SAMD5: variants seen among roughly 807,000 people sequenced by gnomAD.
The protein encoded by SAMD5 is sterile alpha motif domain-containing protein 5.
Under a neutral mutation model 11.3 loss-of-function variants are expected in SAMD5, and 13 were observed. The ratio of observed to expected loss-of-function variants is 1.15; its 90% CI spans 0.75 to 1.83. SAMD5 has a LOEUF of 1.83. SAMD5 is among the 40% of genes most tolerant of loss of function. The pLI, the probability that SAMD5 is intolerant of heterozygous loss-of-function variation, is 0.00. For synonymous variants in SAMD5, 129 were observed against 111.3 expected (o/e 1.16, Z -1.00); for missense variants, 255 against 239.1 (o/e 1.07, Z -0.44).
At chr6:147,733,065 C>G (rs1420187182) in intron 1 of SAMD5, among the ~76,000 whole-genome samples, 1 of 152,290 alleles carries the variant, frequency 6.6e-6, no homozygotes, top group Non-Finnish European at 1.5e-5. Context: ...TTAGGTCTAT[C>G]AGGCTGCCTA....
At chr6:147,887,520 T>C in the SAMD5 span, among the ~76,000 whole-genome samples, 1 of 152,258 alleles carries the variant, frequency 6.6e-6, no homozygotes, top group Admixed American at 6.5e-5. Context: ...TTTATTTCTT[T>C]TTTTATTATT....
the SAMD5 span, among the ~76,000 whole-genome samples, chr6:147,843,547 C>T: frequency 6.6e-6 from 1 of 152,116 alleles, no homozygotes; most frequent in Admixed American, 6.6e-5. Flanking sequence ...GCCATCTTGA[C>T]CAAAAGGGAC....
At chr6:147,535,987 G>GTT (rs748338901) in intron 1 of SAMD5, among the ~76,000 whole-genome samples, 16 of 144,750 alleles carry the variant, frequency 1.1e-4, no homozygotes, top group Non-Finnish European at 1.8e-4. Flanking sequence ...AAATAACCAA[G>GTT]TTTTTTTTTT....
chr6:147,674,927 G>A (rs1790842807), intron 1 of SAMD5, among the ~76,000 whole-genome samples: 1 of 152,136 alleles, frequency 6.6e-6, no homozygotes, highest in Non-Finnish European at 1.5e-5. Context: ...ACCATTCTTT[G>A]AAGCCAAGAA....
the SAMD5 span, among the ~76,000 whole-genome samples, chr6:147,854,372 C>A: frequency 1.2e-4 from 18 of 151,970 alleles, no homozygotes; most frequent in African/African-American, 4.1e-4. Context: ...GTCACAGGGA[C>A]CCACTATATC....
intron 1 of SAMD5, among the ~76,000 whole-genome samples, chr6:147,656,259 C>G (rs1790565121): frequency 2.0e-5 from 3 of 152,022 alleles, no homozygotes; most frequent in Admixed American, 2.0e-4. Context: ...TGACCGAATC[C>G]CTCTACAACT....
the SAMD5 span, among the ~76,000 whole-genome samples, chr6:147,826,471 G>A: frequency 6.6e-6 from 1 of 152,084 alleles, no homozygotes. Context: ...TCAATCCTGG[G>A]AGCCTCTAAT....
the SAMD5 span, among the ~76,000 whole-genome samples, chr6:147,849,886 C>T: frequency 1.3e-5 from 2 of 152,096 alleles, no homozygotes; most frequent in African/African-American, 4.8e-5. Context: ...CAGCTGTATT[C>T]AATTTTTAGT....
At chr6:147,587,810 A>G (rs551694251) in intron 1 of SAMD5, among the ~76,000 whole-genome samples, 7 of 152,186 alleles carry the variant, frequency 4.6e-5, no homozygotes, top group Non-Finnish European at 8.8e-5. Flanking sequence ...AGTCTACCAG[A>G]GCAATCACTT....
chr6:147,934,499 C>T, the SAMD5 span, among the ~76,000 whole-genome samples: 10 of 152,066 alleles, frequency 6.6e-5, no homozygotes, highest in African/African-American at 2.4e-4. Flanking sequence ...GAAGGTGAAA[C>T]GAAAATGCAT....
At chr6:147,684,572 C>T (rs1198068241) in intron 1 of SAMD5, among the ~76,000 whole-genome samples, 2 of 152,188 alleles carry the variant, frequency 1.3e-5, no homozygotes, top group Non-Finnish European at 2.9e-5. Flanking sequence ...ACACTCCCAC[C>T]AACAGTGCCT....
rs746257839 is a variant in SAMD5 at position 147,564,476 on chromosome 6, G to A, written c.*20G>A. On this transcript the variant is annotated 3_prime_UTR_variant, in exon 2 of 2. Transcript: ENST00000367474. ...CGCTAGATATCATTTTTGAGACCTC[G>A]TGGAGGACTGATGAGGTGCCTGAAG... 14 of 790,342 alleles carry A rather than the reference G, an allele frequency of 1.8e-5. No homozygotes were observed. The highest frequency in any genetic ancestry group is 5.4e-5 in the South Asian group (4 of 74,710). 49.0% of individuals were successfully genotyped at this position (790,342 alleles called of 1,614,324 possible).
intron 1 of SAMD5, among the ~76,000 whole-genome samples, chr6:147,676,971 A>C (rs375516272): frequency 2.6e-5 from 4 of 152,114 alleles, no homozygotes; most frequent in Non-Finnish European, 5.9e-5. Flanking sequence ...TAAAATTAGC[A>C]TATAAATGGA....
intron 1 of SAMD5, among the ~76,000 whole-genome samples, chr6:147,605,682 C>A (rs1464201993): frequency 1.3e-5 from 2 of 152,106 alleles, no homozygotes; most frequent in Non-Finnish European, 2.9e-5. Flanking sequence ...TTATGCTTTC[C>A]TAAATTCCAC....
At chr6:147,557,406 A>C (rs1788875010) in intron 1 of SAMD5, among the ~76,000 whole-genome samples, 1 of 152,224 alleles carries the variant, frequency 6.6e-6, no homozygotes, top group South Asian at 2.1e-4. Context: ...CACAGCCAGA[A>C]GTCTGAAATC....
intron 1 of SAMD5, among the ~76,000 whole-genome samples, chr6:147,628,152 C>T (rs1270489959): frequency 6.6e-6 from 1 of 152,098 alleles, no homozygotes. Context: ...TTCTGTAATC[C>T]AGTCACAGGC....
chr6:147,599,586 A>G (rs1312368066), intron 1 of SAMD5, among the ~76,000 whole-genome samples: 2 of 152,184 alleles, frequency 1.3e-5, no homozygotes, highest in Non-Finnish European at 2.9e-5. Flanking sequence ...ACATGTCCAC[A>G]TACTTTTCTG....
At chr6:147,590,130 G>C (rs1320258877) in intron 1 of SAMD5, among the ~76,000 whole-genome samples, 2 of 152,172 alleles carry the variant, frequency 1.3e-5, no homozygotes, top group African/African-American at 4.8e-5. Flanking sequence ...TGCTAAATTA[G>C]AAATGCAGAG....
chr6:147,766,491 T>C, the SAMD5 span, among the ~76,000 whole-genome samples: 229 of 152,326 alleles, frequency 1.5e-3, 1 homozygote, highest in Non-Finnish European at 2.5e-3. Flanking sequence ...GAATGACTTT[T>C]GACTTTTTGC....
Sources: gnomAD v4.1 joint callset for allele counts (sites outside exome capture counted in the v4.1 genomes callset) on GRCh38, gnomAD v4.1.1 for gene constraint, MANE v1.5 for transcripts, NCBI Gene and HGNC (gene_info 2026-07-23, HGNC 2026-07-21) for gene names.